NPAS3: variants seen among roughly 807,000 people sequenced by gnomAD.
NPAS3 encodes the protein neuronal PAS domain protein 3, also known as neuronal PAS domain-containing protein 3.
A neutral mutation model predicts 73.1 loss-of-function variants in NPAS3; 14 were observed. That is an observed-to-expected ratio of 0.19 (90% CI 0.13 to 0.30). The LOEUF (loss-of-function observed/expected upper bound fraction) is 0.30, where lower values mean the gene tolerates loss of function less well. Ranked by LOEUF, NPAS3 falls within the 10% of genes least tolerant of loss-of-function variation. NPAS3 has a pLI of 1.00. For synonymous variants in NPAS3, 620 were observed against 541.5 expected, an observed-to-expected ratio of 1.14 and a Z score of -2.01; for missense variants, 1,096 against 1,250.0, an observed-to-expected ratio of 0.88 and a Z score of 1.86.
At chr14:33,078,834 C>T (rs2041763515) in intron 2 of NPAS3, among the ~76,000 whole-genome samples, 1 of 152,194 alleles carries the variant, frequency 6.6e-6, no homozygotes, top group Non-Finnish European at 1.5e-5. Flanking sequence ...TGCAGTTTCA[C>T]ATTTCTTATG....
At chr14:33,422,082 T>C (rs1251921804) in intron 4 of NPAS3, among the ~76,000 whole-genome samples, 4 of 152,106 alleles carry the variant, frequency 2.6e-5, no homozygotes, top group Non-Finnish European at 5.9e-5. Context: ...TTTCAGGCTG[T>C]ATTTGGTGTC....
intron 7 of NPAS3, among the ~76,000 whole-genome samples, chr14:33,749,511 G>A (rs1404393233): frequency 1.3e-5 from 2 of 152,054 alleles, no homozygotes; most frequent in Non-Finnish European, 2.9e-5. Flanking sequence ...AAATATAATA[G>A]GAATGTAAAA....
chr14:33,513,719 T>G (rs1046159556), intron 4 of NPAS3, among the ~76,000 whole-genome samples: 1 of 152,004 alleles, frequency 6.6e-6, no homozygotes, highest in Non-Finnish European at 1.5e-5. Context: ...TAATACAAAT[T>G]CAAGCTGAAT....
At chr14:33,512,714 C>T (rs938396346) in intron 4 of NPAS3, among the ~76,000 whole-genome samples, 1 of 151,958 alleles carries the variant, frequency 6.6e-6, no homozygotes, top group Non-Finnish European at 1.5e-5. Context: ...ACAAACATGC[C>T]TGCATTTTCC....
At chr14:33,081,996 C>G (rs547770806) in intron 2 of NPAS3, among the ~76,000 whole-genome samples, 4 of 152,276 alleles carry the variant, frequency 2.6e-5, no homozygotes, top group Admixed American at 2.6e-4. Context: ...ATTAAAAGAT[C>G]AATTGTCCTC....
chr14:33,384,868 A>T (rs964595168), intron 4 of NPAS3, among the ~76,000 whole-genome samples: 3 of 152,184 alleles, frequency 2.0e-5, no homozygotes, highest in Non-Finnish European at 2.9e-5. Flanking sequence ...AGTTTGTATC[A>T]GTCAAACAAA....
intron 6 of NPAS3, among the ~76,000 whole-genome samples, chr14:33,711,120 C>T (rs1740507777): frequency 6.6e-6 from 1 of 152,188 alleles, no homozygotes; most frequent in South Asian, 2.1e-4. Flanking sequence ...TGCTGTAATA[C>T]ATACGTGCAT....
At chr14:33,074,738 G>T (rs903316965) in intron 2 of NPAS3, among the ~76,000 whole-genome samples, 1 of 152,152 alleles carries the variant, frequency 6.6e-6, no homozygotes, top group Non-Finnish European at 1.5e-5. Flanking sequence ...CTTAAAGGCA[G>T]ATCCCATCGC....
intron 4 of NPAS3, among the ~76,000 whole-genome samples, chr14:33,523,148 T>A (rs937517617): frequency 1.3e-5 from 2 of 152,006 alleles, no homozygotes; most frequent in Admixed American, 1.3e-4. Flanking sequence ...AAAAGTAAGT[T>A]AAGGCAAACT....
Position 33,012,787 on chromosome 14 carries a change from C to T in NPAS3, c.51-43118C>T, listed in dbSNP as rs1008024404. Among the ~76,000 whole-genome samples the T allele has an allele frequency of 2.0e-5, 3 of 152,210 alleles. No homozygotes were observed. In the East Asian group the frequency reaches 5.8e-4, roughly 29 times the overall value. On this transcript the variant is annotated intron_variant, in intron 1 of 11. Coordinates refer to ENST00000356141, the Ensembl canonical transcript of NPAS3. ...CTGGTCTCGAACTACTGAGCTCAGG[C>T]AATCCACCCGCTTCTGCCTCCCAAA...
intron 11 of NPAS3, among the ~76,000 whole-genome samples, chr14:33,798,596 C>T (rs2063582892): frequency 6.6e-6 from 1 of 152,162 alleles, no homozygotes. Flanking sequence ...GCATTGTAAA[C>T]ATGTATCCCT....
At chr14:33,793,624 G>A (rs1457796181) in intron 9 of NPAS3, among the ~76,000 whole-genome samples, 1 of 152,166 alleles carries the variant, frequency 6.6e-6, no homozygotes, top group Non-Finnish European at 1.5e-5. Context: ...AAAGAGATTT[G>A]TAGTCCTTTT....
intron 5 of NPAS3, among the ~76,000 whole-genome samples, chr14:33,612,892 C>A (rs2057794751): frequency 6.6e-6 from 1 of 152,042 alleles, no homozygotes; most frequent in South Asian, 2.1e-4. Context: ...GGTTTCTTAA[C>A]TTTTTAAATT....
intron 4 of NPAS3, among the ~76,000 whole-genome samples, chr14:33,456,219 G>A (rs548772706): frequency 2.3e-4 from 35 of 152,046 alleles, no homozygotes; most frequent in African/African-American, 2.9e-4. Context: ...CATGGAAAGG[G>A]GGCCCTGCAT....
intron 3 of NPAS3, among the ~76,000 whole-genome samples, chr14:33,303,903 G>GTTT (rs1333841504): frequency 1.3e-5 from 2 of 152,066 alleles, no homozygotes; most frequent in African/African-American, 4.8e-5. Context: ...ACCAAGCTTT[G>GTTT]TTTTTGTTTT....
intron 1 of NPAS3, among the ~76,000 whole-genome samples, chr14:32,983,119 G>C (rs944867006): frequency 2.6e-5 from 4 of 152,020 alleles, no homozygotes; most frequent in African/African-American, 9.7e-5. Context: ...ATCATACAAA[G>C]GTATCAAGGG....
chr14:33,361,477 T>C (rs2045598653), intron 3 of NPAS3, among the ~76,000 whole-genome samples: 1 of 152,196 alleles, frequency 6.6e-6, no homozygotes. Flanking sequence ...GCAATATAAA[T>C]ACACTTCTTT....
At chr14:33,306,913 T>C (rs3910616) in intron 3 of NPAS3, among the ~76,000 whole-genome samples, 1 of 152,156 alleles carries the variant, frequency 6.6e-6, no homozygotes, top group African/African-American at 2.4e-5. Context: ...AACAAGTGTC[T>C]ATTCGGGTTC....
At chr14:32,939,245 G>T, upstream of NPAS3, 3 of 330,278 alleles carry the variant, frequency 9.1e-6, no homozygotes, top group Non-Finnish European at 1.9e-5. Context: ...GCACACCCCC[G>T]CCCGCCCACG....
Sources: gnomAD v4.1 joint callset for allele counts (sites outside exome capture counted in the v4.1 genomes callset) on GRCh38, gnomAD v4.1.1 for gene constraint, MANE v1.5 for transcripts, NCBI Gene and HGNC (gene_info 2026-07-23, HGNC 2026-07-21) for gene names.